THSD7B: variants seen among roughly 807,000 people sequenced by gnomAD.
THSD7B encodes thrombospondin type-1 domain-containing protein 7B.
THSD7B carries 138 observed loss-of-function variants against 213.6 expected under a neutral mutation model. The observed-to-expected ratio is 0.65, with a 90% CI of 0.56 to 0.74. THSD7B has a LOEUF of 0.74. THSD7B is among the 30% of genes least tolerant of loss of function. The pLI, the probability that THSD7B is intolerant of heterozygous loss-of-function variation, is 0.00. For missense variants in THSD7B, 1,931 were observed against 1,991.5 expected, an observed-to-expected ratio of 0.97 and a Z score of 0.58; for synonymous variants, 742 against 687.0, an observed-to-expected ratio of 1.08 and a Z score of -1.25.
chr2:136,901,744 A>G (rs930544823), intron 2 of THSD7B, among the ~76,000 whole-genome samples: 1 of 152,262 alleles, frequency 6.6e-6, no homozygotes, highest in African/African-American at 2.4e-5. Context: ...TGTTCTCACC[A>G]GGATTTCTAC....
chr2:137,512,654 G>C (rs2375518), intron 15 of THSD7B, among the ~76,000 whole-genome samples: 3 of 151,604 alleles, frequency 2.0e-5, no homozygotes, highest in Non-Finnish European at 4.4e-5. Flanking sequence ...TCAGCCTCCT[G>C]AAGTGCTGGG....
intron 17 of THSD7B, among the ~76,000 whole-genome samples, chr2:137,601,428 T>A (rs1421937572): frequency 6.6e-6 from 1 of 152,212 alleles, no homozygotes; most frequent in Non-Finnish European, 1.5e-5. Context: ...AGAAATACCA[T>A]TGTGTTGTAA....
chr2:137,677,581 T>C lies in THSD7B; in HGVS notation c.*976T>C, dbSNP rs1442570259. The C allele has an allele frequency of 3.3e-5, 5 of 152,656 alleles. No individual in the cohort carries two copies. Among genetic ancestry groups the C allele is most frequent in the Non-Finnish European group, 7.3e-5 (5 of 68,034 alleles). 9.5% of individuals were successfully genotyped at this position (152,656 alleles called of 1,614,324 possible). A position where few individuals can be genotyped will look rare whatever the true frequency, so the allele number is the denominator to read the frequency against. ...TCTTGCTTTTATAAGGTTTCAATAA[T>C]ATCTAAAACAACACATTAAAAAGCT... On this transcript the variant is annotated 3_prime_UTR_variant, in exon 28 of 28. Coordinates refer to ENST00000409968, the MANE Select transcript of THSD7B (RefSeq NM_001316349.2).
In THSD7B at chr2:137,390,768, T is replaced by C. The variant is rs567460768; in HGVS notation, c.2501-14845T>C. 5.3e-5 allele frequency among the ~76,000 whole-genome samples: 8 copies of C among 152,312 alleles called. No individual in the cohort carries two copies. In the East Asian group the frequency reaches 1.2e-3, roughly 22 times the overall value. ...GGGATGCTGGATTTATCAAATGTTA[T>C]TTCTGTCTATTGAGATGATCAAGTA... On this transcript the variant is annotated intron_variant, in intron 12 of 27. Transcript: ENST00000409968.
intron 12 of THSD7B, among the ~76,000 whole-genome samples, chr2:137,363,404 G>A (rs531759649): frequency 4.6e-5 from 7 of 152,168 alleles, no homozygotes; most frequent in Non-Finnish European, 7.4e-5. Context: ...AACAGAAGGA[G>A]ACAGAGACAC....
At chr2:136,993,143 T>A (rs1296587471) in intron 2 of THSD7B, among the ~76,000 whole-genome samples, 5 of 152,252 alleles carry the variant, frequency 3.3e-5, no homozygotes, top group Non-Finnish European at 7.3e-5. Flanking sequence ...TTGTCAGTAC[T>A]GGCCTTTGCA....
chr2:137,391,676 C>T (rs1280602886), intron 12 of THSD7B, among the ~76,000 whole-genome samples: 1 of 146,012 alleles, frequency 6.8e-6, no homozygotes, highest in Non-Finnish European at 1.5e-5. Flanking sequence ...AACAGAGTGA[C>T]ATTCGGTCTC....
chr2:137,430,740 A>T (rs1031891526), intron 14 of THSD7B, among the ~76,000 whole-genome samples: 1 of 152,236 alleles, frequency 6.6e-6, no homozygotes. Context: ...GGATTTGAAT[A>T]AAATCAAAGG....
chr2:137,411,849 A>G lies in THSD7B; in HGVS notation c.2936A>G (p.Asp979Gly), dbSNP rs1686661590. The G allele has an allele frequency of 6.2e-7, 1 of 1,613,690 alleles. No homozygotes were observed. Among genetic ancestry groups the G allele is most frequent in the Non-Finnish European group, 8.5e-7 (1 of 1,179,864 alleles). Reference sequence around the variant, plus strand: ...TCTGATAAAAATGGAAGACCTGTTGACCCCTCCTTCTGCAGCAGCTCTGGT... The same window carrying G: ...TCTGATAAAAATGGAAGACCTGTTGGCCCCTCCTTCTGCAGCAGCTCTGGT... ...ACSDKNGRPVDPSFCSSSGYI... is the reference protein window; with the variant it reads ...ACSDKNGRPVGPSFCSSSGYI... Residue 979 changes from aspartate to glycine, a missense_variant, in exon 14 of 28, where the codon GAC becomes GGC. By Grantham distance (94) the Asp-to-Gly change is moderately conservative (BLOSUM62 -1). Coordinates refer to ENST00000409968, the MANE Select transcript of THSD7B (RefSeq NM_001316349.2).
intron 1 of THSD7B, among the ~76,000 whole-genome samples, chr2:136,771,220 TC>T (rs1681499929): frequency 6.6e-6 from 1 of 152,192 alleles, no homozygotes; most frequent in Admixed American, 6.5e-5. Context: ...AGTAGGGCTT[TC>T]ATTTCATCTG....
At chr2:137,675,576 A>G (rs1683682078) in intron 27 of THSD7B, among the ~76,000 whole-genome samples, 1 of 152,044 alleles carries the variant, frequency 6.6e-6, no homozygotes. Flanking sequence ...TCTGTAAAGT[A>G]GCAATAATTC....
At chr2:136,914,023 A>G (rs1399602800) in intron 2 of THSD7B, among the ~76,000 whole-genome samples, 2 of 152,246 alleles carry the variant, frequency 1.3e-5, no homozygotes, top group Non-Finnish European at 2.9e-5. Context: ...ACACCAGCCC[A>G]TGAAAGCAGT....
intron 2 of THSD7B, among the ~76,000 whole-genome samples, chr2:136,972,977 G>A (rs553556026): frequency 5.9e-5 from 9 of 151,942 alleles, no homozygotes; most frequent in African/African-American, 1.2e-4. Context: ...ATTAAATCAC[G>A]GTTTAAAAAC....
At chr2:137,556,638 T>C (rs1346018299) in intron 15 of THSD7B, among the ~76,000 whole-genome samples, 6 of 152,144 alleles carry the variant, frequency 3.9e-5, no homozygotes, top group Admixed American at 3.9e-4. Context: ...CATCAACTAA[T>C]GAGCAAAATA....
intron 12 of THSD7B, among the ~76,000 whole-genome samples, chr2:137,354,837 T>A (rs1296237628): frequency 6.6e-6 from 1 of 152,040 alleles, no homozygotes; most frequent in Non-Finnish European, 1.5e-5. Context: ...AGCTGTTTTT[T>A]TTTTTCTAAG....
At chr2:137,344,127 G>T (rs78421959) in intron 12 of THSD7B, among the ~76,000 whole-genome samples, 294 of 151,764 alleles carry the variant, frequency 1.9e-3, no homozygotes, top group Non-Finnish European at 3.2e-3. Context: ...GATCTAGGTT[G>T]CAGGCTTCTT....
At chr2:137,079,563 G>A (rs1426901703) in intron 3 of THSD7B, among the ~76,000 whole-genome samples, 1 of 152,256 alleles carries the variant, frequency 6.6e-6, no homozygotes, top group East Asian at 1.9e-4. Context: ...TAATTTGGCT[G>A]TCTTTATCCA....
intron 14 of THSD7B, among the ~76,000 whole-genome samples, chr2:137,440,755 C>T (rs1054216511): frequency 1.3e-5 from 2 of 152,040 alleles, no homozygotes; most frequent in African/African-American, 4.8e-5. Flanking sequence ...AATAAGTAAG[C>T]AGGTAGGCAG....
chr2:137,526,498 T>C (rs1387229784), intron 15 of THSD7B, among the ~76,000 whole-genome samples: 1 of 152,100 alleles, frequency 6.6e-6, no homozygotes, highest in East Asian at 1.9e-4. Context: ...CTCATCTCAC[T>C]GCAACCTCTG....
Sources: gnomAD v4.1 joint callset for allele counts (sites outside exome capture counted in the v4.1 genomes callset) on GRCh38, gnomAD v4.1.1 for gene constraint, MANE v1.5 for transcripts, NCBI Gene and HGNC (gene_info 2026-07-23, HGNC 2026-07-21) for gene names.